SUGCT: variants seen among roughly 807,000 people sequenced by gnomAD.
SUGCT encodes succinyl-CoA:glutarate-CoA transferase.
In SUGCT, 41 loss-of-function variants were observed where a neutral mutation model predicts 55.0. That is an observed-to-expected ratio of 0.74 (90% confidence interval 0.58 to 0.97). The LOEUF (loss-of-function observed/expected upper bound fraction) is 0.97. Among genes scored for constraint, SUGCT ranks in the 50% least tolerant of loss-of-function variants. SUGCT has a pLI of 0.00. For missense variants in SUGCT, 568 were observed against 547.8 expected (o/e 1.04, Z -0.37); for synonymous variants, 187 against 200.4 (o/e 0.93, Z 0.56).
At chr7:40,922,156 G>A in the SUGCT span, among the ~76,000 whole-genome samples, 1 of 152,176 alleles carries the variant, frequency 6.6e-6, no homozygotes, top group East Asian at 1.9e-4. Context: ...GAGGGGTGAG[G>A]AGTTCCTTAA....
intron 11 of SUGCT, among the ~76,000 whole-genome samples, chr7:40,490,989 C>G (rs149508772): frequency 3.8e-3 from 580 of 152,300 alleles, no homozygotes; most frequent in Admixed American, 7.6e-3. Context: ...TAAACATAGT[C>G]TTTCCAAGGT....
At chr7:40,916,052 T>A in the SUGCT span, among the ~76,000 whole-genome samples, 33 of 99,878 alleles carry the variant, frequency 3.3e-4, no homozygotes, top group Non-Finnish European at 5.0e-4. Flanking sequence ...GGACACTCTC[T>A]CTCTCTCTCT....
chr7:40,684,001 A>G, intron 12 of SUGCT: 1 of 1,605,946 alleles, frequency 6.2e-7, no homozygotes. Flanking sequence ...GGCAGAATTC[A>G]AATCCTTGTG....
chr7:40,961,449 A>G, the SUGCT span, among the ~76,000 whole-genome samples: 4 of 152,082 alleles, frequency 2.6e-5, no homozygotes, highest in East Asian at 7.8e-4. Context: ...GTGATCAATC[A>G]CCTCCTTCCT....
In SUGCT at chr7:40,684,906, C is replaced by T. The variant is rs567057465; in HGVS notation, c.1090-64528C>T. Among the ~76,000 whole-genome samples the T allele has an allele frequency of 1.9e-3, 282 of 152,358 alleles. 1 individual carries two copies. Among genetic ancestry groups the T allele is most frequent in the African/African-American group, 6.3e-3 (261 of 41,586 alleles). On this transcript the variant is annotated intron_variant, in intron 12 of 13. Coordinates refer to ENST00000335693, the MANE Select transcript of SUGCT (RefSeq NM_001193313.2). ...AGTGCAGTGGTGTGATCTTGGCTCA[C>T]TGCAACCTCCGCCTCCTGGGTTCAA...
chr7:40,498,748 G>GTTTGTGGT (rs1792120685), intron 12 of SUGCT, among the ~76,000 whole-genome samples: 1 of 152,222 alleles, frequency 6.6e-6, no homozygotes, highest in Non-Finnish European at 1.5e-5. Context: ...ATGCCTAGTA[G>GTTTGTGGT]TAGCTGTGGT....
chr7:40,499,100 G>A (rs1192692914), intron 12 of SUGCT: 1 of 456,704 alleles, frequency 2.2e-6, no homozygotes, highest in South Asian at 1.5e-5. Flanking sequence ...TTCAGATGTG[G>A]GAACGCACCA....
At chr7:40,491,563 A>T (rs996333059) in intron 11 of SUGCT, among the ~76,000 whole-genome samples, 1 of 152,148 alleles carries the variant, frequency 6.6e-6, no homozygotes, top group Non-Finnish European at 1.5e-5. Flanking sequence ...TAGGGAAAAA[A>T]AGGTCTGGGC....
At chr7:40,949,972 G>GT in the SUGCT span, among the ~76,000 whole-genome samples, 3 of 152,146 alleles carry the variant, frequency 2.0e-5, no homozygotes, top group Admixed American at 6.6e-5. Context: ...CTTTAAAGTA[G>GT]TTTTTTCTAA....
chr7:40,239,312 C>G (rs900153489), intron 7 of SUGCT, among the ~76,000 whole-genome samples: 1 of 152,038 alleles, frequency 6.6e-6, no homozygotes, highest in African/African-American at 2.4e-5. Context: ...AACTCCTGGA[C>G]TCACGACATC....
At chr7:40,408,538 T>G (rs1404068072) in intron 9 of SUGCT, among the ~76,000 whole-genome samples, 2 of 152,238 alleles carry the variant, frequency 1.3e-5, no homozygotes, top group Non-Finnish European at 2.9e-5. Context: ...ACCTGGGTTA[T>G]AGTTTATTAC....
chr7:40,317,663 C>G (rs1795513885), intron 9 of SUGCT, among the ~76,000 whole-genome samples: 2 of 152,144 alleles, frequency 1.3e-5, no homozygotes, highest in African/African-American at 4.8e-5. Flanking sequence ...AATGTTAGTG[C>G]TCTTGGGAGA....
intron 9 of SUGCT, among the ~76,000 whole-genome samples, chr7:40,400,314 T>C (rs1319736344): frequency 6.6e-6 from 1 of 152,134 alleles, no homozygotes; most frequent in African/African-American, 2.4e-5. Context: ...TTATTTGGAT[T>C]ATGGTTCTCC....
At chr7:40,949,299 G>A in the SUGCT span, among the ~76,000 whole-genome samples, 1 of 152,110 alleles carries the variant, frequency 6.6e-6, no homozygotes, top group Non-Finnish European at 1.5e-5. Flanking sequence ...TGTTGATGGG[G>A]TTGTTTGTTT....
chr7:40,179,829 T>C (rs948039198), intron 1 of SUGCT, among the ~76,000 whole-genome samples: 1 of 152,220 alleles, frequency 6.6e-6, no homozygotes, highest in African/African-American at 2.4e-5. Context: ...ATCCTGCCTC[T>C]GCTGGCATCA....
At chr7:40,796,560 C>A (rs1358370356) in intron 13 of SUGCT, among the ~76,000 whole-genome samples, 1 of 152,142 alleles carries the variant, frequency 6.6e-6, no homozygotes, top group Non-Finnish European at 1.5e-5. Flanking sequence ...CACATCGGGA[C>A]CCCGAAAGCT....
intron 12 of SUGCT, among the ~76,000 whole-genome samples, chr7:40,584,325 A>T (rs1424736548): frequency 6.6e-6 from 1 of 152,222 alleles, no homozygotes; most frequent in East Asian, 1.9e-4. Flanking sequence ...GCATGATTTA[A>T]ATTTAGTTAA....
At chr7:40,509,516 G>C (rs1164839249) in intron 12 of SUGCT, among the ~76,000 whole-genome samples, 1 of 152,096 alleles carries the variant, frequency 6.6e-6, no homozygotes, top group Non-Finnish European at 1.5e-5. Context: ...TGTTACCATT[G>C]TCAGCAGAGG....
At chr7:40,996,705 T>C in the SUGCT span, among the ~76,000 whole-genome samples, 1 of 152,098 alleles carries the variant, frequency 6.6e-6, no homozygotes, top group Non-Finnish European at 1.5e-5. Context: ...CAGGTTGAGG[T>C]TTCCACTGGA....
Sources: gnomAD v4.1 joint callset for allele counts (sites outside exome capture counted in the v4.1 genomes callset) on GRCh38, gnomAD v4.1.1 for gene constraint, MANE v1.5 for transcripts, NCBI Gene and HGNC (gene_info 2026-07-23, HGNC 2026-07-21) for gene names.